CMYA5: variants seen among roughly 807,000 people sequenced by gnomAD.
The protein encoded by CMYA5 is cardiomyopathy-associated protein 5.
In CMYA5, 246 loss-of-function variants were observed where a neutral mutation model predicts 318.9. The observed-to-expected ratio is 0.77, with a 90% CI of 0.70 to 0.86. The LOEUF (loss-of-function observed/expected upper bound fraction) is 0.86. Ranked by LOEUF, CMYA5 falls within the 40% of genes least tolerant of loss-of-function variation. CMYA5 has a pLI of 0.00. For missense variants in CMYA5, 4,589 were observed against 4,678.2 expected (o/e 0.98, Z 0.56); for synonymous variants, 1,641 against 1,729.5 (o/e 0.95, Z 1.27).
Position 79,732,584 on chromosome 5 carries a change from G to A in CMYA5, c.3819G>A (p.Lys1273=). Residue 1273 remains lysine (K), a synonymous_variant, in exon 2 of 13, where the codon AAG becomes AAA. Coordinates refer to ENST00000446378, the MANE Select transcript of CMYA5 (RefSeq NM_153610.5). ...TSELEQRKLS[K]NEPEVIKPYS... is the part of the protein sequence containing the mutation. ...AACTAGAACAGAGAAAGTTGTCCAA[G>A]AATGAGCCTGAAGTAATAAAACCAT... 6.2e-7 allele frequency: 1 copy of A among 1,612,916 alleles called. No individual in the cohort carries two copies. The highest frequency in any genetic ancestry group is 8.5e-7 in the Non-Finnish European group (1 of 1,179,444).
In CMYA5 at chr5:79,735,822, C is replaced by T; in HGVS notation, c.7057C>T (p.Pro2353Ser). The change falls in exon 2 of 13, where the codon CCT (proline) becomes TCT (serine). Residue 2353 changes from proline (P) to serine (S), a missense_variant. Pro to Ser is a moderately conservative substitution (Grantham distance 74, BLOSUM62 -1). Around this residue, in one of 3 missense-constraint regions of CMYA5, gnomAD observed 2,431 missense variants for 2,495.1 expected, o/e 0.97. Transcript: ENST00000446378. ...AAGAGTCCAGAAGCCAGCAATCGCT[C>T]CTCCATCTAAATGGAATATTTCTAT... ...SKRVQKPAIAPPSKWNISIFK... is the reference protein window; with the variant it reads ...SKRVQKPAIASPSKWNISIFK... 6.4e-7 allele frequency: 1 copy of T among 1,550,574 alleles called. No individual in the cohort carries two copies. Among genetic ancestry groups the T allele is most frequent in the Non-Finnish European group, 8.6e-7 (1 of 1,157,074 alleles).
At chr5:79,764,172 C>T (rs1439670877) in intron 9 of CMYA5, among the ~76,000 whole-genome samples, 12 of 151,516 alleles carry the variant, frequency 7.9e-5, no homozygotes, top group Admixed American at 7.9e-4. Flanking sequence ...CCCAAAAAGG[C>T]CCCAGTGTGT....
At chr5:79,771,695 C>T (rs1828859305) in intron 9 of CMYA5, among the ~76,000 whole-genome samples, 1 of 152,122 alleles carries the variant, frequency 6.6e-6, no homozygotes, top group Non-Finnish European at 1.5e-5. Context: ...ACCTTCTCAG[C>T]AATCCTATGA....
At chr5:79,708,983 G>A (rs1328555053) in intron 1 of CMYA5, among the ~76,000 whole-genome samples, 1 of 152,014 alleles carries the variant, frequency 6.6e-6, no homozygotes, top group African/African-American at 2.4e-5. Flanking sequence ...TTTAAAAATG[G>A]TAGTTACCAG....
intron 5 of CMYA5, among the ~76,000 whole-genome samples, chr5:79,751,066 C>T (rs138021238): frequency 1.3e-5 from 2 of 152,260 alleles, no homozygotes; most frequent in African/African-American, 4.8e-5. Flanking sequence ...CTCACTAGAC[C>T]CTATGGGGTT....
At chr5:79,728,014 G>A (rs1270674468) in intron 1 of CMYA5, among the ~76,000 whole-genome samples, 1 of 152,138 alleles carries the variant, frequency 6.6e-6, no homozygotes, top group African/African-American at 2.4e-5. Context: ...TACATGCCAG[G>A]AATATTCCCT....
Position 79,737,461 on chromosome 5 carries a change from C to T in CMYA5, c.8696C>T (p.Thr2899Ile). The T allele has an allele frequency of 6.2e-7, 1 of 1,613,832 alleles. No homozygotes were observed. The highest frequency in any genetic ancestry group is 8.5e-7 in the Non-Finnish European group (1 of 1,179,824). Residue 2899 changes from threonine (T) to isoleucine (I), a missense_variant, in exon 2 of 13, where the codon ACA (threonine) becomes ATA (isoleucine). Thr to Ile is a moderately conservative substitution (Grantham distance 89). Transcript: ENST00000446378. ...KSNYAQFISN[T>I]SASNADKMVS... ...AACTATGCTCAATTTATATCTAATA[C>T]ATCAGCAAGCAATGCTGATAAAATG...
rs1027177469 is a variant in CMYA5 at position 79,735,132 on chromosome 5, T to C, written c.6367T>C (p.Ser2123Pro). 4.3e-6 allele frequency: 7 copies of C among 1,613,504 alleles called. No individual in the cohort carries two copies. The African/African-American group carries it at 9.4e-5, about 22-fold the overall frequency. ...IDDADEGKKP[S>P]PEVKIPTQRK... The stretch of plus-strand genomic sequence containing the variant: ...TGATGCTGATGAGGGAAAGAAACCA[T>C]CACCTGAAGTAAAAATACCCACACA... The change falls in exon 2 of 13, where the codon TCA (serine) becomes CCA (proline). Residue 2123 changes from serine to proline, a missense_variant. Physicochemically the swap from Ser to Pro is moderately conservative, Grantham distance 74. Around this residue, in one of 3 missense-constraint regions of CMYA5, gnomAD observed 2,431 missense variants for 2,495.1 expected, o/e 0.97. Coordinates refer to ENST00000446378, the MANE Select transcript of CMYA5 (RefSeq NM_153610.5).
At position 79,756,302 on chromosome 5, in the gene CMYA5, T is replaced by A. The variant is rs141820744; in HGVS notation, c.11111-2451T>A. ...CTCCTCAGGTCTTACCTCTGTGGCCTCTGTGGCTTTCCAGATGATGGGTCC... is the reference window on the plus strand; with the variant it reads ...CTCCTCAGGTCTTACCTCTGTGGCCACTGTGGCTTTCCAGATGATGGGTCC... On this transcript the variant is annotated intron_variant, in intron 6 of 12. Transcript: ENST00000446378. Among the ~76,000 whole-genome samples the A allele has an allele frequency of 4.8e-3, 730 of 152,302 alleles. 7 individuals carry two copies. Among genetic ancestry groups the A allele is most frequent in the African/African-American group, 0.015 (634 of 41,556 alleles).
At position 79,755,579 on chromosome 5, in the gene CMYA5, G is replaced by A. The variant is rs562955180; in HGVS notation, c.11110+2785G>A. The stretch of plus-strand genomic sequence containing the variant: ...TGGGATTACAGGCATGAGCCACTGC[G>A]CCCGGCCAGCATCATACTTATTCAA... On this transcript the variant is annotated intron_variant, in intron 6 of 12. Transcript: ENST00000446378. 4.6e-5 allele frequency among the ~76,000 whole-genome samples: 7 copies of A among 152,188 alleles called. No individual in the cohort carries two copies. In the East Asian group the frequency reaches 5.8e-4, roughly 13 times the overall value.
At chr5:79,769,894 G>C (rs1444175425) in intron 9 of CMYA5, among the ~76,000 whole-genome samples, 2 of 152,198 alleles carry the variant, frequency 1.3e-5, no homozygotes, top group Admixed American at 6.5e-5. Context: ...TGCTGAAGCT[G>C]TGTCCACAAC....
At chr5:79,760,267 A>G (rs1254931396) in intron 7 of CMYA5, among the ~76,000 whole-genome samples, 1 of 151,270 alleles carries the variant, frequency 6.6e-6, no homozygotes, top group Non-Finnish European at 1.5e-5. Flanking sequence ...TGTGCCCTGA[A>G]CTGTGTTAAT....
chr5:79,793,985 G>A (rs1829228376), intron 12 of CMYA5, among the ~76,000 whole-genome samples: 1 of 152,182 alleles, frequency 6.6e-6, no homozygotes, highest in South Asian at 2.1e-4. Context: ...AGAGGGAGGG[G>A]CAGCTGGGTT....
intron 1 of CMYA5, among the ~76,000 whole-genome samples, chr5:79,716,515 T>G (rs13170837): frequency 0.46 from 69,498 of 152,080 alleles, 16,946 homozygotes; most frequent in African/African-American, 0.62. Flanking sequence ...CAGCATTGTT[T>G]TACTAATAGA....
chr5:79,736,483 A>C lies in CMYA5; in HGVS notation c.7718A>C (p.Asp2573Ala), dbSNP rs368340459. The change falls in exon 2 of 13, where the codon GAT becomes GCT. Residue 2573 changes from aspartate to alanine, a missense_variant. Asp to Ala is a moderately radical substitution (Grantham distance 126). Transcript: ENST00000446378. ...NVAESMSRES[D>A]ISLGHSLGET... Reference sequence around the variant, plus strand: ...GCCGAGTCTATGAGTAGAGAATCAGATATCTCTTTAGGTCATTCTTTGGGT... The same window carrying C: ...GCCGAGTCTATGAGTAGAGAATCAGCTATCTCTTTAGGTCATTCTTTGGGT... The C allele has an allele frequency of 6.2e-7, 1 of 1,611,354 alleles. No homozygotes were observed. The highest frequency in any genetic ancestry group is 1.3e-5 in the African/African-American group (1 of 74,886).
At position 79,734,547 on chromosome 5, in the gene CMYA5, C is replaced by A. The variant is rs1828006235; in HGVS notation, c.5782C>A (p.Gln1928Lys). ...TAGCAGCAATGAGCTGAGGCCAGGG[C>A]AGCTCAAGGCTGCTGTGTCCAGTAA... ...SSSSNELRPG[Q>K]LKAAVSSKDH... Residue 1928 changes from glutamine (Q) to lysine (K), a missense_variant, in exon 2 of 13, where the codon CAG becomes AAG. Coordinates refer to ENST00000446378, the MANE Select transcript of CMYA5 (RefSeq NM_153610.5). The A allele has an allele frequency of 2.5e-6, 4 of 1,613,836 alleles. No homozygotes were observed. Among genetic ancestry groups the A allele is most frequent in the Non-Finnish European group, 3.4e-6 (4 of 1,179,810 alleles).
chr5:79,747,208 A>G (rs1828347067), intron 5 of CMYA5, 95 bp downstream of exon 5: 2 of 1,189,380 alleles, frequency 1.7e-6, no homozygotes, highest in Non-Finnish European at 2.3e-6. Context: ...GCTGCCAATT[A>G]AAAAATGCAT....
rs761635402 is a variant in CMYA5, at chr5:79,730,982, T to A, written c.2217T>A (p.Thr739=). Residue 739 remains threonine (T), a synonymous_variant, in exon 2 of 13, where the codon ACT becomes ACA. Transcript: ENST00000446378. ...TTCCATCAGAAGAGAAGGAAGACAC[T>A]GGATCGTTTACTCCAGCTGTGGCCC... The part of the protein sequence containing the change: ...YMIPSEEKED[T]GSFTPAVAPA... 6.2e-7 allele frequency: 1 copy of A among 1,614,016 alleles called. No homozygotes were observed. The highest frequency in any genetic ancestry group is 2.2e-5 in the East Asian group (1 of 44,884).
At chr5:79,712,174 C>A (rs1269698130) in intron 1 of CMYA5, among the ~76,000 whole-genome samples, 1 of 152,184 alleles carries the variant, frequency 6.6e-6, no homozygotes, top group African/African-American at 2.4e-5. Flanking sequence ...CCAGGAGCAT[C>A]TGCTGGAGTG....
Sources: allele counts gnomAD v4.1 joint callset (sites outside exome capture counted in the v4.1 genomes callset), GRCh38; gene constraint gnomAD v4.1.1; regional missense constraint gnomAD v4.1.1; transcripts MANE v1.5; gene names NCBI Gene and HGNC (gene_info 2026-07-23, HGNC 2026-07-21).